Variants in MCPH1 observed in about 807,000 individuals in gnomAD.
MCPH1 encodes the protein microcephalin.
In MCPH1, 104 loss-of-function variants were observed where a neutral mutation model predicts 84.5. That is an observed-to-expected ratio of 1.23 (90% confidence interval 1.05 to 1.45). MCPH1 has a LOEUF of 1.45. Ranked by LOEUF, MCPH1 falls within the 40% of genes most tolerant of loss-of-function variation. The pLI is 0.00. For synonymous variants in MCPH1, 514 were observed against 366.8 expected (o/e 1.40, Z -4.58); for missense variants, 1,498 against 1,005.7 (o/e 1.49, Z -6.62).
intron 12 of MCPH1, among the ~76,000 whole-genome samples, chr8:6,505,500 T>TAC (rs1451214170): frequency 0.017 from 81 of 4,858 alleles, 3 homozygotes; most frequent in African/African-American, 0.043. Context: ...ATTCTTTATA[T>TAC]ATGTATATAT....
chr8:6,551,372 G>T (rs1478011610), intron 12 of MCPH1, among the ~76,000 whole-genome samples: 1 of 150,326 alleles, frequency 6.7e-6, no homozygotes, highest in African/African-American at 2.5e-5. Flanking sequence ...CACGGGACAG[G>T]CCAATTATGT....
intron 12 of MCPH1, among the ~76,000 whole-genome samples, chr8:6,560,651 C>T (rs1217906045): frequency 3.3e-5 from 5 of 152,150 alleles, no homozygotes; most frequent in South Asian, 4.1e-4. Context: ...CAGCTGAAGA[C>T]GGACTTTTGA....
chr8:6,534,765 C>G (rs1221164105), intron 12 of MCPH1, among the ~76,000 whole-genome samples: 1 of 152,220 alleles, frequency 6.6e-6, no homozygotes, highest in Admixed American at 6.5e-5. Context: ...AGAGTTAGCT[C>G]AGGCTTTTTA....
chr8:6,574,590 T>G (rs569697585), intron 12 of MCPH1, among the ~76,000 whole-genome samples: 1 of 152,170 alleles, frequency 6.6e-6, no homozygotes, highest in South Asian at 2.1e-4. Flanking sequence ...GACAGAAAAC[T>G]AAAGAAGAAA....
At chr8:6,608,154 G>A (rs181865203) in intron 12 of MCPH1, among the ~76,000 whole-genome samples, 65 of 152,322 alleles carry the variant, frequency 4.3e-4, no homozygotes, top group African/African-American at 1.5e-3. Flanking sequence ...GCTGACTCAC[G>A]TGCGAGGGTG....
intron 12 of MCPH1, among the ~76,000 whole-genome samples, chr8:6,561,904 C>A (rs1825598401): frequency 6.6e-6 from 1 of 152,214 alleles, no homozygotes; most frequent in Admixed American, 6.5e-5. Flanking sequence ...CAAGAACAAA[C>A]TGTCAGACAG....
At chr8:6,625,076 T>C (rs1831925474) in intron 13 of MCPH1, 1 of 597,250 alleles carries the variant, frequency 1.7e-6, no homozygotes, top group Non-Finnish European at 2.1e-6. Context: ...GGTTTCACCA[T>C]GTTGGCCAGG....
chr8:6,609,289 G>C (rs62496950), intron 12 of MCPH1, among the ~76,000 whole-genome samples: 5,788 of 152,334 alleles, frequency 0.038, 160 homozygotes, highest in Non-Finnish European at 0.057. Flanking sequence ...GGGACCCAGA[G>C]CATGAGCGTG....
At chr8:6,465,355 C>G (rs1806749075) in intron 9 of MCPH1, among the ~76,000 whole-genome samples, 1 of 152,226 alleles carries the variant, frequency 6.6e-6, no homozygotes, top group South Asian at 2.1e-4. Context: ...TCCCGCGGAG[C>G]TGTTCACGCC....
At chr8:6,639,956 C>T (rs934053238) in intron 13 of MCPH1, among the ~76,000 whole-genome samples, 4 of 151,916 alleles carry the variant, frequency 2.6e-5, no homozygotes, top group African/African-American at 7.3e-5. Context: ...CCAGGCTGGC[C>T]TCAAACTCTT....
At chr8:6,579,345 G>A (rs955163427) in intron 12 of MCPH1, among the ~76,000 whole-genome samples, 2 of 152,184 alleles carry the variant, frequency 1.3e-5, no homozygotes, top group African/African-American at 4.8e-5. Flanking sequence ...TTGCTTTAGT[G>A]AATGAGACAG....
At chr8:6,470,410 A>G (rs1807566104) in intron 9 of MCPH1, among the ~76,000 whole-genome samples, 1 of 152,044 alleles carries the variant, frequency 6.6e-6, no homozygotes, top group Non-Finnish European at 1.5e-5. Context: ...CAGCCTCCTG[A>G]GTAGCTGGGA....
chr8:6,536,990 AC>A (rs1042363527), intron 12 of MCPH1, among the ~76,000 whole-genome samples: 6 of 150,618 alleles, frequency 4.0e-5, no homozygotes, highest in African/African-American at 1.2e-4. Context: ...AAAAAAAAAA[AC>A]CAACCCAGTA....
chr8:6,495,024 T>A (rs1002183846), intron 11 of MCPH1, among the ~76,000 whole-genome samples: 1 of 152,216 alleles, frequency 6.6e-6, no homozygotes, highest in African/African-American at 2.4e-5. Flanking sequence ...CTTGATGTTA[T>A]GAGATGTGTT....
At chr8:6,574,809 A>G (rs1349686085) in intron 12 of MCPH1, among the ~76,000 whole-genome samples, 1 of 152,210 alleles carries the variant, frequency 6.6e-6, no homozygotes, top group African/African-American at 2.4e-5. Flanking sequence ...AGTGTCTGAC[A>G]AAGTCCATCC....
chr8:6,566,190 T>C (rs1316726902), intron 12 of MCPH1, among the ~76,000 whole-genome samples: 2 of 152,240 alleles, frequency 1.3e-5, no homozygotes, highest in Non-Finnish European at 2.9e-5. Flanking sequence ...TTTTCTGCAA[T>C]CATTTAAAAG....
At chr8:6,448,145 C>G (rs1307719747) in intron 8 of MCPH1, among the ~76,000 whole-genome samples, 1 of 152,132 alleles carries the variant, frequency 6.6e-6, no homozygotes, top group Admixed American at 6.5e-5. Flanking sequence ...ACAATGTCAG[C>G]TAGCAAGCAG....
chr8:6,550,937 CCTCT>C (rs532474941), intron 12 of MCPH1, among the ~76,000 whole-genome samples: 1 of 152,172 alleles, frequency 6.6e-6, no homozygotes, highest in Non-Finnish European at 1.5e-5. Context: ...GGAAGGAGTG[CCTCT>C]CTCTGTTTTG....
chr8:6,615,771 A>G (rs552715474), intron 12 of MCPH1: 4 of 152,304 alleles, frequency 2.6e-5, no homozygotes, highest in South Asian at 4.2e-4. Context: ...ATGATACGGC[A>G]TATTTGGGGG....
Sources: allele counts gnomAD v4.1 joint callset (sites outside exome capture counted in the v4.1 genomes callset), GRCh38; gene constraint gnomAD v4.1.1; transcripts MANE v1.5; gene names NCBI Gene and HGNC (gene_info 2026-07-23, HGNC 2026-07-21).